Variants in OSBPL5 observed in about 807,000 individuals in gnomAD.
OSBPL5 encodes the protein oxysterol-binding protein-related protein 5.
In OSBPL5, 71 loss-of-function variants were observed where a neutral mutation model predicts 111.2. That is an observed-to-expected ratio of 0.64 (90% CI 0.53 to 0.78). The LOEUF is 0.78. Among genes scored for constraint, OSBPL5 ranks in the 30% least tolerant of loss-of-function variants. OSBPL5 has a pLI of 0.00. For missense variants in OSBPL5, 1,210 were observed against 1,189.3 expected (o/e 1.02, Z -0.26); for synonymous variants, 549 against 513.9 (o/e 1.07, Z -0.93).
At chr11:3,119,891 T>TC (rs2134453432) in intron 6 of OSBPL5, 1 of 502,132 alleles carries the variant, frequency 2.0e-6, no homozygotes, top group Non-Finnish European at 3.5e-6. Context: ...ACTTGGGCTG[T>TC]CCAGAATCAG....
intron 10 of OSBPL5, among the ~76,000 whole-genome samples, chr11:3,103,903 GC>G (rs539598630): frequency 1.9e-4 from 27 of 140,428 alleles, no homozygotes; most frequent in Non-Finnish European, 2.9e-4. Flanking sequence ...TGCCTCTGCA[GC>G]CCCCTTCCTG....
At position 3,089,414 on chromosome 11, in the gene OSBPL5, T is replaced by C. The variant is rs372123377; in HGVS notation, c.2501+432A>G. Among the ~76,000 whole-genome samples the C allele has an allele frequency of 2.9e-3, 435 of 152,308 alleles. 2 individuals are homozygous for C. The highest frequency in any genetic ancestry group is 0.01 in the African/African-American group (417 of 41,568). On this transcript the variant is annotated intron_variant, in intron 21 of 21. Transcript: ENST00000263650. ...CCATGTGGCCCTGGTGGCCTGCACC[T>C]GCCAGCTCTCGGCCACTCCCATTTG...
intron 7 of OSBPL5, among the ~76,000 whole-genome samples, chr11:3,115,858 A>C (rs942748728): frequency 6.9e-6 from 1 of 145,472 alleles, no homozygotes; most frequent in African/African-American, 2.6e-5. Context: ...TGTCTCAAAG[A>C]ATGAAGGCTT....
chr11:3,098,599 GGGT>G (rs1857357287), intron 14 of OSBPL5, among the ~76,000 whole-genome samples: 3 of 143,262 alleles, frequency 2.1e-5, no homozygotes, highest in African/African-American at 8.0e-5. Flanking sequence ...TTCAACTCCC[GGGT>G]TCAAGTGATT....
In OSBPL5 at chr11:3,102,239, G is replaced by T; in HGVS notation, c.1369C>A (p.Arg457Ser). 1 of 1,608,992 alleles carries T rather than the reference G, an allele frequency of 6.2e-7. No homozygotes were observed. Among genetic ancestry groups the T allele is most frequent in the Non-Finnish European group, 8.5e-7 (1 of 1,178,166 alleles). Residue 457 changes from arginine (R) to serine (S), a missense_variant, in exon 12 of 22, where the codon CGC (arginine) becomes AGC (serine). By Grantham distance (110) the Arg-to-Ser change is moderately radical. Coordinates refer to ENST00000263650, the MANE Select transcript of OSBPL5 (RefSeq NM_020896.4). Reference sequence around the variant, plus strand: ...GTCTGCGGGTGGAACCAGCAGCAGCGGAAGGTCTCCCCCAGGATGGGGTTG... The same window carrying T: ...GTCTGCGGGTGGAACCAGCAGCAGCTGAAGGTCTCCCCCAGGATGGGGTTG... ...PYNPILGETF[R>S]CCWFHPQTDS... is the part of the protein sequence containing the mutation.
At chr11:3,094,893 T>C (rs1412498384) in intron 14 of OSBPL5, 2 of 152,188 alleles carry the variant, frequency 1.3e-5, no homozygotes, top group African/African-American at 4.8e-5. Flanking sequence ...TTTTTTCAAT[T>C]AATGAAGGAA....
chr11:3,106,157 G>T lies in OSBPL5; in HGVS notation c.1059+1106C>A, dbSNP rs774958599. ...CTCTGTGGGAACAGCAGCCCGCAGG[G>T]AGGCCATGGTGTTCCACTGAACACA... On this transcript the variant is annotated intron_variant, in intron 9 of 21. Coordinates refer to ENST00000263650, the MANE Select transcript of OSBPL5 (RefSeq NM_020896.4). This position sits in a 1 kb window ranked among gnomAD's most constrained non-coding sequence, Gnocchi z 8.4. Among the ~76,000 whole-genome samples, 11 of 152,176 alleles carry T rather than the reference G, an allele frequency of 7.2e-5. No individual in the cohort carries two copies. The highest frequency in any genetic ancestry group is 1.2e-4 in the Non-Finnish European group (8 of 68,022).
rs1160344269 is a variant in OSBPL5 at position 3,122,113 on chromosome 11, C to A, written c.301-15G>T. 1.3e-6 allele frequency: 2 copies of A among 1,549,468 alleles called. No homozygotes were observed. The highest frequency in any genetic ancestry group is 1.7e-6 in the Non-Finnish European group (2 of 1,152,436). ...TCCTTCTGCGCCTGGGCCCGGGGCA[C>A]CCGCGGTGGGTCATGGGAGAAGGCA... On this transcript the variant is annotated splice_polypyrimidine_tract_variant and intron_variant, in intron 4 of 21. Coordinates refer to ENST00000263650, the MANE Select transcript of OSBPL5 (RefSeq NM_020896.4).
At chr11:3,097,005 AG>A (rs1857285127) in intron 14 of OSBPL5, among the ~76,000 whole-genome samples, 1 of 16,484 alleles carries the variant, frequency 6.1e-5, no homozygotes, top group Non-Finnish European at 1.2e-4. Context: ...AAGAGGAAAG[AG>A]GGGGAAGACG....
At chr11:3,119,518 G>A in intron 7 of OSBPL5, 29 bp downstream of exon 7, 1 of 1,560,238 alleles carries the variant, frequency 6.4e-7, no homozygotes, top group East Asian at 2.5e-5. Flanking sequence ...GGGGGCACTG[G>A]GGAGATGCGC....
intron 1 of OSBPL5, among the ~76,000 whole-genome samples, chr11:3,153,170 C>A (rs1302981304): frequency 6.6e-6 from 1 of 152,140 alleles, no homozygotes; most frequent in African/African-American, 2.4e-5. Flanking sequence ...GGTTTCCTCA[C>A]CTCTCCGAGC....
Position 3,113,002 on chromosome 11 carries a change from G to A in OSBPL5, c.692-5057C>T, listed in dbSNP as rs373384130. 6.6e-6 allele frequency among the ~76,000 whole-genome samples: 1 copy of A among 152,142 alleles called. No homozygotes were observed. Among genetic ancestry groups the A allele is most frequent in the African/African-American group, 2.4e-5 (1 of 41,438 alleles). ...CTATGAGATGTACTTCTATTGCCAT[G>A]CCTAATATGTCTATGTATTTATGTG... On this transcript the variant is annotated intron_variant, in intron 7 of 21. Transcript: ENST00000263650. The surrounding 1 kb of genome is among the most constrained non-coding windows in gnomAD (Gnocchi z 4.8).
At chr11:3,088,418 C>A in intron 21 of OSBPL5, 75 bp from the exon 22 acceptor site, 2 of 1,369,814 alleles carry the variant, frequency 1.5e-6, no homozygotes, top group Non-Finnish European at 1.9e-6. Flanking sequence ...CAGGACAGTG[C>A]CCTGGGTACT....
chr11:3,161,486 G>T lies in OSBPL5; in HGVS notation c.-22+3730C>A, dbSNP rs920670779. 8 of 152,254 alleles carry T rather than the reference G, an allele frequency of 5.3e-5. No individual in the cohort carries two copies. The highest frequency in any genetic ancestry group is 1.0e-4 in the Non-Finnish European group (7 of 68,062). 9.4% of individuals were successfully genotyped at this position (152,254 alleles called of 1,614,324 possible). On this transcript the variant is annotated intron_variant, in intron 1 of 21. Coordinates refer to ENST00000263650, the MANE Select transcript of OSBPL5 (RefSeq NM_020896.4). This position sits in a 1 kb window ranked among gnomAD's most constrained non-coding sequence, Gnocchi z 8.0. ...TGGGGGCAGCCAGTCTCAATCTACT[G>T]ACCTCCCTGGGATGAGACAGTATGA...
At position 3,140,367 on chromosome 11, in the gene OSBPL5, G is replaced by A. The variant is rs1208823711; in HGVS notation, c.-21-11198C>T. Among the ~76,000 whole-genome samples the A allele has an allele frequency of 2.0e-5, 3 of 152,132 alleles. No homozygotes were observed. Among genetic ancestry groups the A allele is most frequent in the Non-Finnish European group, 4.4e-5 (3 of 68,002 alleles). On this transcript the variant is annotated intron_variant, in intron 1 of 21. Transcript: ENST00000263650. The surrounding 1 kb of genome is among the most constrained non-coding windows in gnomAD (Gnocchi z 4.5). ...CTCAGGTGCTGGACAGGCAGGGTAGGGCTCACAGCCAAGCTAGGACACCCT... is the reference window on the plus strand; with the variant it reads ...CTCAGGTGCTGGACAGGCAGGGTAGAGCTCACAGCCAAGCTAGGACACCCT...
At chr11:3,149,271 C>T (rs1311694967) in intron 1 of OSBPL5, among the ~76,000 whole-genome samples, 6 of 152,224 alleles carry the variant, frequency 3.9e-5, no homozygotes. Flanking sequence ...CCGGGTCAGG[C>T]CCCCCAGAGC....
rs1382222003 is a variant in OSBPL5, at chr11:3,106,316, G to C, written c.1059+947C>G. On this transcript the variant is annotated intron_variant, in intron 9 of 21. Transcript: ENST00000263650. The surrounding 1 kb of genome is among the most constrained non-coding windows in gnomAD (Gnocchi z 8.4). ...ACCGGGACTGCCCCTTGCCCTCAGTGACAGCCACGGCCTTGCTCTTGTCTC... is the reference window on the plus strand; with the variant it reads ...ACCGGGACTGCCCCTTGCCCTCAGTCACAGCCACGGCCTTGCTCTTGTCTC... Among the ~76,000 whole-genome samples the C allele has an allele frequency of 6.6e-6, 1 of 152,088 alleles. No individual in the cohort carries two copies. The highest frequency in any genetic ancestry group is 2.4e-5 in the African/African-American group (1 of 41,386).
chr11:3,143,319 T>TG (rs1267854643), intron 1 of OSBPL5, among the ~76,000 whole-genome samples: 1 of 148,334 alleles, frequency 6.7e-6, no homozygotes, highest in African/African-American at 2.5e-5. Flanking sequence ...CAGGGGCCCA[T>TG]GGGGGGCTGC....
chr11:3,134,419 A>C (rs1845895758), intron 1 of OSBPL5, among the ~76,000 whole-genome samples: 1 of 152,082 alleles, frequency 6.6e-6, no homozygotes, highest in African/African-American at 2.4e-5. Flanking sequence ...GGGCAGACCT[A>C]GTGACTAGGG....
Sources: gnomAD v4.1 joint callset for allele counts (sites outside exome capture counted in the v4.1 genomes callset) on GRCh38, gnomAD v4.1.1 for gene constraint, Gnocchi (gnomAD v3.1) non-coding constraint, MANE v1.5 for transcripts, NCBI Gene and HGNC (gene_info 2026-07-23, HGNC 2026-07-21) for gene names.